Variants in SMCHD1 observed in about 807,000 individuals in gnomAD.
SMCHD1 encodes the protein structural maintenance of chromosomes flexible hinge domain containing 1, also known as structural maintenance of chromosomes flexible hinge domain-containing protein 1.
Under a neutral mutation model 254.7 loss-of-function variants are expected in SMCHD1, and 78 were observed. The ratio of observed to expected loss-of-function variants is 0.31; its 90% CI spans 0.26 to 0.37. The LOEUF (loss-of-function observed/expected upper bound fraction) is 0.37. SMCHD1 is among the 10% of genes least tolerant of loss of function. The pLI is 1.00. For synonymous variants in SMCHD1, 766 were observed against 794.9 expected, an observed-to-expected ratio of 0.96 and a Z score of 0.61; for missense variants, 1,840 against 2,408.1, an observed-to-expected ratio of 0.76 and a Z score of 4.94.
At chr18:2,690,338 A>T (rs1266328786) in intron 7 of SMCHD1, among the ~76,000 whole-genome samples, 28 of 152,204 alleles carry the variant, frequency 1.8e-4, no homozygotes, top group Admixed American at 1.8e-3. Flanking sequence ...GATTCTGTTG[A>T]GCATTTGGCT....
At position 2,770,095 on chromosome 18, in the gene SMCHD1, T is replaced by C. The variant is rs764589437; in HGVS notation, c.4953T>C (p.Leu1651=). 6.3e-7 allele frequency: 1 copy of C among 1,599,074 alleles called. No homozygotes were observed. ...TATTTGAAGCCAGCCAACAGCTTCT[T>C]AATGAAATGAAATGTAAGTCATTTT... is the stretch of plus-strand genomic sequence containing the variant. The part of the protein sequence containing the change: ...KSLFEASQQL[L]NEMKCQVEEA... Residue 1651 remains leucine, a synonymous_variant, in exon 39 of 48, where the codon CTT becomes CTC. Transcript: ENST00000320876.
chr18:2,748,134 A>C (rs1208473875), intron 30 of SMCHD1, among the ~76,000 whole-genome samples: 1 of 152,172 alleles, frequency 6.6e-6, no homozygotes, highest in Non-Finnish European at 1.5e-5. Context: ...TTTTAGGGTG[A>C]GGCTCCTGCC....
At chr18:2,729,534 CCAAAG>C (rs2075094654) in intron 24 of SMCHD1, 125 bp downstream of exon 24, 5 of 625,538 alleles carry the variant, frequency 8.0e-6, no homozygotes, top group South Asian at 3.1e-5. Context: ...GTTCTTTCAG[CCAAAG>C]CAAAGCAAAG....
intron 41 of SMCHD1, among the ~76,000 whole-genome samples, chr18:2,774,481 G>T (rs1229288799): frequency 6.6e-6 from 1 of 151,928 alleles, no homozygotes; most frequent in East Asian, 1.9e-4. Context: ...GGTGCATCTC[G>T]GCTCAGTGCA....
chr18:2,712,891 C>G (rs1440872504), intron 17 of SMCHD1, among the ~76,000 whole-genome samples: 1 of 152,198 alleles, frequency 6.6e-6, no homozygotes, highest in Non-Finnish European at 1.5e-5. Flanking sequence ...CACGCATGAT[C>G]TGGCCCTTCC....
At chr18:2,672,522 A>G (rs953594786) in intron 3 of SMCHD1, among the ~76,000 whole-genome samples, 5 of 152,198 alleles carry the variant, frequency 3.3e-5, no homozygotes, top group Admixed American at 3.3e-4. Flanking sequence ...GCCCACATCC[A>G]GCGTGAAATG....
intron 26 of SMCHD1, 105 bp downstream of exon 26, chr18:2,738,650 A>G (rs2075294805): frequency 1.0e-6 from 1 of 976,246 alleles, no homozygotes; most frequent in Non-Finnish European, 1.4e-6. Context: ...GGTTTCTATG[A>G]AATATAATAG....
intron 37 of SMCHD1, among the ~76,000 whole-genome samples, chr18:2,767,133 C>T (rs2075882339): frequency 6.6e-6 from 1 of 151,900 alleles, no homozygotes. Context: ...GACAACGCAC[C>T]TATAGCCCCA....
chr18:2,670,793 C>T (rs1248728016), intron 3 of SMCHD1, among the ~76,000 whole-genome samples: 4 of 150,978 alleles, frequency 2.6e-5, no homozygotes, highest in South Asian at 2.1e-4. Flanking sequence ...TCCAACTACT[C>T]GAGAGGCTGA....
intron 28 of SMCHD1, among the ~76,000 whole-genome samples, chr18:2,743,427 A>T (rs2075388980): frequency 6.6e-6 from 1 of 152,192 alleles, no homozygotes; most frequent in South Asian, 2.1e-4. Flanking sequence ...TCTGGTAAAT[A>T]ATGTTGCAAA....
At chr18:2,722,853 AC>A (rs1377320962) in intron 20 of SMCHD1, among the ~76,000 whole-genome samples, 190 bp downstream of exon 20, 23 of 152,202 alleles carry the variant, frequency 1.5e-4, no homozygotes, top group African/African-American at 5.5e-4. Flanking sequence ...AAATTGCTTC[AC>A]TAAAGTTTAT....
At chr18:2,745,670 T>C (rs187616030) in intron 29 of SMCHD1, among the ~76,000 whole-genome samples, 1 of 152,298 alleles carries the variant, frequency 6.6e-6, no homozygotes, top group East Asian at 1.9e-4. Context: ...GGAACAGTTT[T>C]GAGGTGGAAA....
intron 25 of SMCHD1, 35 bp downstream of exon 25, chr18:2,732,527 A>G: frequency 7.3e-7 from 1 of 1,378,834 alleles, no homozygotes; most frequent in South Asian, 1.3e-5. Context: ...ATTTGTAAGA[A>G]CTTTTTAAAT....
In SMCHD1 at chr18:2,796,390, A is replaced by G. The variant is rs763402425; in HGVS notation, c.5879-17A>G. The G allele has an allele frequency of 2.1e-5, 30 of 1,454,630 alleles. No individual in the cohort carries two copies. The Admixed American group carries it at 2.5e-4, about 12-fold the overall frequency. The allele number at this position is 1,454,630 out of a possible 1,614,324, so 90.1% of individuals were successfully genotyped here. On this transcript the variant is annotated splice_polypyrimidine_tract_variant and intron_variant, in intron 46 of 47. Coordinates refer to ENST00000320876, the MANE Select transcript of SMCHD1 (RefSeq NM_015295.3). ...TTTTATTGTAAATTTAACTTTCTACATTTTCCATCTTCACAGGTATGACTC... is the reference window on the plus strand; with the variant it reads ...TTTTATTGTAAATTTAACTTTCTACGTTTTCCATCTTCACAGGTATGACTC...
intron 15 of SMCHD1, 108 bp from the exon 16 acceptor site, chr18:2,707,455 T>G: frequency 1.6e-6 from 1 of 627,728 alleles, no homozygotes; most frequent in Non-Finnish European, 2.6e-6. Flanking sequence ...TTTAACCTTT[T>G]AAAATATATC....
At chr18:2,771,015 C>T (rs996230458) in intron 39 of SMCHD1, among the ~76,000 whole-genome samples, 1 of 152,154 alleles carries the variant, frequency 6.6e-6, no homozygotes, top group African/African-American at 2.4e-5. Context: ...TTTCATTTGT[C>T]ATATTTTTTT....
chr18:2,677,417 A>G (rs1426084564), intron 5 of SMCHD1, among the ~76,000 whole-genome samples: 1 of 152,210 alleles, frequency 6.6e-6, no homozygotes, highest in Non-Finnish European at 1.5e-5. Flanking sequence ...TCTGTCTTAA[A>G]TGTATCTTCA....
intron 15 of SMCHD1, among the ~76,000 whole-genome samples, chr18:2,706,796 A>G (rs1020095717): frequency 6.6e-6 from 1 of 152,226 alleles, no homozygotes; most frequent in Non-Finnish European, 1.5e-5. Flanking sequence ...AGATGAGTGT[A>G]TTAGTTCGTT....
intron 3 of SMCHD1, among the ~76,000 whole-genome samples, chr18:2,671,089 A>G (rs2073585644): frequency 6.6e-6 from 1 of 151,338 alleles, no homozygotes; most frequent in African/African-American, 2.4e-5. Context: ...GGCGTGCACC[A>G]CCACACCTGG....
Sources: gnomAD v4.1 joint callset for allele counts (sites outside exome capture counted in the v4.1 genomes callset) on GRCh38, gnomAD v4.1.1 for gene constraint, MANE v1.5 for transcripts, NCBI Gene and HGNC (gene_info 2026-07-23, HGNC 2026-07-21) for gene names.